The following AMPD1 variants were observed in gnomAD, a reference collection of about 807,000 sequenced individuals.
AMPD1 encodes the protein AMP deaminase 1.
AMPD1 carries 74 observed loss-of-function variants against 82.9 expected under a neutral mutation model. The ratio of observed to expected loss-of-function variants is 0.89; its 90% CI spans 0.74 to 1.08. The LOEUF (loss-of-function observed/expected upper bound fraction) is 1.08, where lower values mean the gene tolerates loss of function less well. Ranked by LOEUF, AMPD1 falls within the 50% of genes least tolerant of loss-of-function variation. The probability of loss-of-function intolerance (pLI) is 0.00; values close to 1 mark genes in which losing one functional copy is unlikely to be tolerated. For synonymous variants in AMPD1, 333 were observed against 320.5 expected (o/e 1.04, Z -0.42); for missense variants, 881 against 924.5 (o/e 0.95, Z 0.61).
intron 2 of AMPD1, among the ~76,000 whole-genome samples, chr1:114,691,369 G>A (rs1658510024): frequency 6.6e-6 from 1 of 151,630 alleles, no homozygotes. Flanking sequence ...TGGAGCCTGG[G>A]CAACATAGTG....
chr1:114,688,779 T>A, intron 2 of AMPD1, 38 bp from the exon 3 acceptor site: 1 of 1,612,046 alleles, frequency 6.2e-7, no homozygotes, highest in Non-Finnish European at 8.5e-7. Flanking sequence ...TCAAGCCCCT[T>A]TTCAAAAGTC....
chr1:114,694,221 A>C (rs1469985873), intron 1 of AMPD1, among the ~76,000 whole-genome samples: 1 of 150,240 alleles, frequency 6.7e-6, no homozygotes, highest in Admixed American at 6.6e-5. Flanking sequence ...GTCTCTAAAA[A>C]AACAAAAACA....
At chr1:114,691,618 C>T (rs765130296) in intron 2 of AMPD1, among the ~76,000 whole-genome samples, 3 of 151,218 alleles carry the variant, frequency 2.0e-5, no homozygotes, top group Non-Finnish European at 4.4e-5. Flanking sequence ...AAGAGTGAAA[C>T]TTATATTTCA....
Position 114,680,474 on chromosome 1 carries a change from A to G in AMPD1, c.552T>C (p.Phe184=), listed in dbSNP as rs35197706. The change falls in exon 6 of 16, where the codon TTT becomes TTC. Residue 184 remains phenylalanine, a synonymous_variant. Coordinates refer to ENST00000520113, the MANE Select transcript of AMPD1 (RefSeq NM_000036.3). ...WVANESFYPV[F]TPPVKKGEDP... is the part of the protein sequence containing the mutation. The stretch of plus-strand genomic sequence containing the variant: ...CCTCTCCCTTCTTCACAGGAGGAGT[A>G]AAGACTTTTTCAATCAAACACAGAG... 1.1e-3 allele frequency: 1,833 copies of G among 1,614,016 alleles called. 29 individuals are homozygous for G. The African/African-American group carries it at 0.022, about 19-fold the overall frequency.
chr1:114,679,657 G>A lies in AMPD1; in HGVS notation c.819C>T (p.Val273=), dbSNP rs1658097256. ...CGTCCATCTCGTTAAGCATCTGATG[G>A]ACCTGGAACTTGGAGGAGAGGAACT... The part of the protein sequence containing the change: ...RLKFLSSKFQ[V]HQMLNEMDEL... The change falls in exon 7 of 16, where the codon GTC becomes GTT. Residue 273 remains valine (V), a synonymous_variant. Coordinates refer to ENST00000520113, the MANE Select transcript of AMPD1 (RefSeq NM_000036.3). 2 of 1,613,984 alleles carry A rather than the reference G, an allele frequency of 1.2e-6. No homozygotes were observed. The highest frequency in any genetic ancestry group is 1.7e-6 in the Non-Finnish European group (2 of 1,179,978).
intron 2 of AMPD1, among the ~76,000 whole-genome samples, chr1:114,689,955 G>A (rs987865935): frequency 6.6e-6 from 1 of 152,062 alleles, no homozygotes; most frequent in African/African-American, 2.4e-5. Context: ...TACTTTTCCT[G>A]GTATTTCCAG....
At chr1:114,677,768 C>CCCT (rs2101713864) in intron 9 of AMPD1, 142 bp downstream of exon 9, 1 of 576,586 alleles carries the variant, frequency 1.7e-6, no homozygotes, top group East Asian at 3.6e-5. Flanking sequence ...CTCCCTCCCT[C>CCCT]CCTCCCTTCC....
chr1:114,686,993 T>C (rs1658340980), intron 3 of AMPD1, 83 bp from the exon 4 acceptor site: 1 of 1,445,742 alleles, frequency 6.9e-7, no homozygotes, highest in African/African-American at 1.4e-5. Context: ...CTCTATACAA[T>C]TTTATTCTGA....
At position 114,678,435 on chromosome 1, in the gene AMPD1, C is replaced by G. The variant is rs754808704; in HGVS notation, c.990G>C (p.Val330=). The G allele has an allele frequency of 6.2e-7, 1 of 1,613,900 alleles. No individual in the cohort carries two copies. Among genetic ancestry groups the G allele is most frequent in the Non-Finnish European group, 8.5e-7 (1 of 1,179,970 alleles). ...KKSYQIDADR[V]VYSTKEKNLT... is the part of the protein sequence containing the mutation. The stretch of plus-strand genomic sequence containing the variant: ...GATTCTTCTCTTTGGTGCTATAGAC[C>G]ACTCTGTCAGCATCAATTTGGTAAG... The change falls in exon 8 of 16, where the codon GTG becomes GTC. Residue 330 remains valine, a synonymous_variant. Coordinates refer to ENST00000520113, the MANE Select transcript of AMPD1 (RefSeq NM_000036.3).
intron 12 of AMPD1, 114 bp downstream of exon 12, chr1:114,675,416 G>T (rs1193445316): frequency 1.7e-6 from 2 of 1,178,796 alleles, no homozygotes; most frequent in Non-Finnish European, 1.3e-6. Flanking sequence ...TCTGATTTGG[G>T]CCAATTGGAA....
chr1:114,695,347 A>G, intron 1 of AMPD1, 103 bp downstream of exon 1: 3 of 1,519,108 alleles, frequency 2.0e-6, no homozygotes, highest in Non-Finnish European at 2.7e-6. Context: ...CACGAACCCT[A>G]AATGAATGAT....
intron 2 of AMPD1, among the ~76,000 whole-genome samples, chr1:114,690,288 T>C (rs1360735744): frequency 6.6e-6 from 1 of 152,198 alleles, no homozygotes; most frequent in Non-Finnish European, 1.5e-5. Flanking sequence ...TGAGATAATG[T>C]ATGTGGAAAT....
Position 114,678,535 on chromosome 1 carries a change from T to A in AMPD1, c.898-8A>T. 1 of 1,612,332 alleles carries A rather than the reference T, an allele frequency of 6.2e-7. No homozygotes were observed. Among genetic ancestry groups the A allele is most frequent in the Non-Finnish European group, 8.5e-7 (1 of 1,178,548 alleles). On this transcript the variant is annotated splice_polypyrimidine_tract_variant and splice_region_variant and intron_variant, in intron 7 of 15. Transcript: ENST00000520113. ...ATGGATATGGGTGTCCACCTGTATG[T>A]ATATTCAAAGAAAGAAAAAAACATC...
At chr1:114,691,454 G>T (rs927130874) in intron 2 of AMPD1, among the ~76,000 whole-genome samples, 1 of 151,710 alleles carries the variant, frequency 6.6e-6, no homozygotes, top group Non-Finnish European at 1.5e-5. Flanking sequence ...TGTAGTCCCA[G>T]CTACTCAGGA....
At position 114,684,367 on chromosome 1, in the gene AMPD1, G is replaced by C; in HGVS notation, c.382-3C>G. On this transcript the variant is annotated splice_polypyrimidine_tract_variant and splice_region_variant and intron_variant, in intron 4 of 15. Transcript: ENST00000520113. ...ATTTCAAAATCTTCAACTGTAACCT[G>C]CCAAAAAAAAAAAAGTCAGCATATC... 1 of 1,603,338 alleles carries C rather than the reference G, an allele frequency of 6.2e-7. No homozygotes were observed. The highest frequency in any genetic ancestry group is 8.5e-7 in the Non-Finnish European group (1 of 1,176,930).
chr1:114,674,731 A>G, intron 13 of AMPD1, 21 bp downstream of exon 13: 2 of 1,612,042 alleles, frequency 1.2e-6, no homozygotes, highest in Non-Finnish European at 1.7e-6. Context: ...GTAAAAGTTA[A>G]GAAGAGAGCT....
chr1:114,682,686 C>G (rs1456619168), intron 5 of AMPD1, among the ~76,000 whole-genome samples: 1 of 151,868 alleles, frequency 6.6e-6, no homozygotes, highest in Non-Finnish European at 1.5e-5. Context: ...TCACGCCATT[C>G]TCCTGCCTCA....
intron 7 of AMPD1, 127 bp from the exon 8 acceptor site, chr1:114,678,654 A>G: frequency 5.6e-6 from 5 of 895,462 alleles, no homozygotes; most frequent in Non-Finnish European, 8.9e-6. Flanking sequence ...GTGAGCTGAC[A>G]GTTGGTGGAG....
intron 3 of AMPD1, 124 bp downstream of exon 3, chr1:114,688,437 G>A (rs1260196852): frequency 4.7e-5 from 54 of 1,156,204 alleles, no homozygotes; most frequent in Non-Finnish European, 6.7e-5. Flanking sequence ...CTTAGGAATT[G>A]CTAACTCTGG....
Sources: allele counts gnomAD v4.1 joint callset (sites outside exome capture counted in the v4.1 genomes callset), GRCh38; gene constraint gnomAD v4.1.1; transcripts MANE v1.5; gene names NCBI Gene and HGNC (gene_info 2026-07-23, HGNC 2026-07-21).